Variants in EAF1 observed in about 807,000 individuals in gnomAD.
EAF1 encodes ELL associated factor 1.
A neutral mutation model predicts 26.6 loss-of-function variants in EAF1; 19 were observed. That is an observed-to-expected ratio of 0.71 (90% CI 0.50 to 1.05). EAF1 has a LOEUF of 1.05. EAF1 is among the 50% of genes least tolerant of loss of function. EAF1 has a pLI of 0.00. For synonymous variants in EAF1, 102 were observed against 120.6 expected (o/e 0.85, Z 1.01); for missense variants, 260 against 335.5 (o/e 0.78, Z 1.76).
Position 15,440,229 on chromosome 3 carries a change from T to C in EAF1, c.*1074T>C, listed in dbSNP as rs531890384. The C allele has an allele frequency of 6.6e-6, 1 of 152,324 alleles. No individual in the cohort carries two copies. The highest frequency in any genetic ancestry group is 1.9e-4 in the East Asian group (1 of 5,182). 9.4% of individuals were successfully genotyped at this position (152,324 alleles called of 1,614,324 possible). A position where few individuals can be genotyped will look rare whatever the true frequency, so the allele number is the denominator to read the frequency against. The stretch of plus-strand genomic sequence containing the variant: ...TGAGCACATTCTTTGATAAGGCGTA[T>C]CTATTCATGCTTTTGTACCACTGTT... On this transcript the variant is annotated 3_prime_UTR_variant, in exon 6 of 6. Transcript: ENST00000396842.
At chr3:15,428,044 C>T (rs531913766) in intron 1 of EAF1, among the ~76,000 whole-genome samples, 162 bp downstream of exon 1, 1 of 152,214 alleles carries the variant, frequency 6.6e-6, no homozygotes, top group African/African-American at 2.4e-5. Flanking sequence ...TCGATTTGTC[C>T]CTTCTTTTAC....
intron 5 of EAF1, among the ~76,000 whole-genome samples, chr3:15,437,479 G>C (rs2061842683): frequency 6.6e-6 from 1 of 151,884 alleles, no homozygotes; most frequent in Non-Finnish European, 1.5e-5. Flanking sequence ...GTAGAGACAA[G>C]GTCTCACTGT....
At chr3:15,436,116 T>C in intron 4 of EAF1, 1 of 371,408 alleles carries the variant, frequency 2.7e-6, no homozygotes, top group Non-Finnish European at 4.9e-6. Context: ...TCTTGCTTTT[T>C]ATTTATTTTG....
chr3:15,428,671 T>C, intron 1 of EAF1, among the ~76,000 whole-genome samples: 1 of 152,160 alleles, frequency 6.6e-6, no homozygotes, highest in East Asian at 1.9e-4. Flanking sequence ...TCTACATAAT[T>C]ATAGACGCTG....
intron 1 of EAF1, among the ~76,000 whole-genome samples, chr3:15,428,617 G>GCAGGC (rs143992305): frequency 0.027 from 4,179 of 152,264 alleles, 174 homozygotes; most frequent in African/African-American, 0.094. Flanking sequence ...GCAGAAGAGA[G>GCAGGC]CAGGCGTAAG....
intron 3 of EAF1, 133 bp downstream of exon 3, chr3:15,432,356 C>T (rs912746202): frequency 5.5e-6 from 6 of 1,087,892 alleles, no homozygotes; most frequent in African/African-American, 4.8e-5. Flanking sequence ...TGTGCTCAGA[C>T]AAAATATGTA....
At position 15,439,249 on chromosome 3, in the gene EAF1, TG is replaced by T; in HGVS notation, c.*96del. On this transcript the variant is annotated 3_prime_UTR_variant, in exon 6 of 6. Coordinates refer to ENST00000396842, the MANE Select transcript of EAF1 (RefSeq NM_033083.7). The stretch of plus-strand genomic sequence containing the variant: ...AGTCCATTGCAAGAGGAAAATGTTA[TG>T]GATCAGTGACTGTAGTAGGAGTTTG... The T allele has an allele frequency of 1.6e-6, 2 of 1,273,132 alleles. No individual in the cohort carries two copies. Among genetic ancestry groups the T allele is most frequent in the Non-Finnish European group, 2.2e-6 (2 of 889,190 alleles). 78.9% of individuals were successfully genotyped at this position (1,273,132 alleles called of 1,614,324 possible).
Position 15,427,609 on chromosome 3 carries a change from CCA to C in EAF1, c.-169_-168del, listed in dbSNP as rs2061758589. 2 of 633,330 alleles carry C rather than the reference CCA, an allele frequency of 3.2e-6. No individual in the cohort carries two copies. Among genetic ancestry groups the C allele is most frequent in the South Asian group, 3.7e-5 (2 of 53,578 alleles). The allele number at this position is 633,330 out of a possible 1,614,324, so 39.2% of individuals were successfully genotyped here. A position where few individuals can be genotyped will look rare whatever the true frequency, so the allele number is the denominator to read the frequency against. ...GCCTCCTCAGATTCCTCTCTCACCC[CCA>C]CGCAGAGGAGAGAACTTGCTTCTGG... On this transcript the variant is annotated 5_prime_UTR_variant, in exon 1 of 6. Transcript: ENST00000396842.
At position 15,429,953 on chromosome 3, in the gene EAF1, A is replaced by C. The variant is rs1400560996; in HGVS notation, c.144A>C (p.Gly48=). The change falls in exon 2 of 6, where the codon GGA becomes GGC. Residue 48 remains glycine (G), a synonymous_variant. Transcript: ENST00000396842. ...KPASIDTSCE[G]ELQVGKGDEV... is the part of the protein sequence containing the mutation. ...CATCTATAGACACTTCCTGTGAAGG[A>C]GAGCTTCAAGTTGGCAAAGGAGATG... 1.2e-6 allele frequency: 2 copies of C among 1,613,370 alleles called. No individual in the cohort carries two copies. Among genetic ancestry groups the C allele is most frequent in the Non-Finnish European group, 1.7e-6 (2 of 1,179,816 alleles).
intron 4 of EAF1, among the ~76,000 whole-genome samples, chr3:15,435,636 T>C (rs1235116348): frequency 6.6e-6 from 1 of 152,212 alleles, no homozygotes; most frequent in Non-Finnish European, 1.5e-5. Context: ...ATCTGGCGCC[T>C]TTCTTGAAAT....
In EAF1 at chr3:15,440,967, A is replaced by G. The variant is rs1182900703; in HGVS notation, c.*1812A>G. ...GGGGCAGGTTCCAGGAACTTGAACTAAAAATATCTATTTAAGCCTCTCTCT... is the reference window on the plus strand; with the variant it reads ...GGGGCAGGTTCCAGGAACTTGAACTGAAAATATCTATTTAAGCCTCTCTCT... On this transcript the variant is annotated 3_prime_UTR_variant, in exon 6 of 6. Coordinates refer to ENST00000396842, the MANE Select transcript of EAF1 (RefSeq NM_033083.7). 1 of 152,652 alleles carries G rather than the reference A, an allele frequency of 6.6e-6. No homozygotes were observed. Among genetic ancestry groups the G allele is most frequent in the East Asian group, 1.9e-4 (1 of 5,200 alleles). 9.5% of individuals were successfully genotyped at this position (152,652 alleles called of 1,614,324 possible).
chr3:15,437,949 C>T (rs2125068393), intron 5 of EAF1, among the ~76,000 whole-genome samples: 1 of 152,222 alleles, frequency 6.6e-6, no homozygotes, highest in East Asian at 1.9e-4. Context: ...TTCCCACCTC[C>T]CCAGCCCCAT....
In EAF1 at chr3:15,439,261, T is replaced by A; in HGVS notation, c.*106T>A. On this transcript the variant is annotated 3_prime_UTR_variant, in exon 6 of 6. Transcript: ENST00000396842. ...GAGGAAAATGTTATGGATCAGTGAC[T>A]GTAGTAGGAGTTTGAGGCTCTGGAA... The A allele has an allele frequency of 8.9e-7, 1 of 1,127,046 alleles. No individual in the cohort carries two copies. Among genetic ancestry groups the A allele is most frequent in the East Asian group, 2.4e-5 (1 of 40,852 alleles). The allele number at this position is 1,127,046 out of a possible 1,614,324, so 69.8% of individuals were successfully genotyped here.
intron 5 of EAF1, among the ~76,000 whole-genome samples, chr3:15,438,341 T>C (rs1332411204): frequency 1.3e-5 from 2 of 152,186 alleles, no homozygotes; most frequent in Non-Finnish European, 2.9e-5. Context: ...AACGTGACTA[T>C]CCTGGACAGA....
chr3:15,436,793 G>A (rs867729532), intron 5 of EAF1: 25 of 432,452 alleles, frequency 5.8e-5, no homozygotes, highest in Non-Finnish European at 9.8e-5. Flanking sequence ...GGCTCATACC[G>A]GTGTTTGTGA....
chr3:15,431,444 A>G (rs963966178), intron 2 of EAF1, among the ~76,000 whole-genome samples: 1 of 152,208 alleles, frequency 6.6e-6, no homozygotes, highest in Non-Finnish European at 1.5e-5. Flanking sequence ...GAGGCAGGAG[A>G]GAGCTTGAGG....
chr3:15,437,273 CAG>C (rs1292480767), intron 5 of EAF1, among the ~76,000 whole-genome samples: 1 of 134,178 alleles, frequency 7.5e-6, no homozygotes, highest in Non-Finnish European at 1.6e-5. Context: ...TTCCTTCAGA[CAG>C]AGTCTTGATC....
rs1200169319 is a variant in EAF1, at chr3:15,441,359, G to A, written c.*2204G>A. The A allele has an allele frequency of 1.3e-5, 2 of 153,642 alleles. No homozygotes were observed. The highest frequency in any genetic ancestry group is 4.8e-5 in the African/African-American group (2 of 41,374). The allele number at this position is 153,642 out of a possible 1,614,324, so 9.5% of individuals were successfully genotyped here. On this transcript the variant is annotated 3_prime_UTR_variant, in exon 6 of 6. Transcript: ENST00000396842. Reference sequence around the variant, plus strand: ...CAGCCAAACCGGACTTGTTCTTCCTGCCTCTGTGCCTTCTCTCATTCTCCT... The same window carrying A: ...CAGCCAAACCGGACTTGTTCTTCCTACCTCTGTGCCTTCTCTCATTCTCCT...
chr3:15,431,893 C>T (rs553159948), intron 2 of EAF1, among the ~76,000 whole-genome samples, 194 bp from the exon 3 acceptor site: 2 of 152,300 alleles, frequency 1.3e-5, no homozygotes, highest in East Asian at 3.9e-4. Context: ...TGCACATTCA[C>T]AAATTCTTGC....
Sources: allele counts gnomAD v4.1 joint callset (sites outside exome capture counted in the v4.1 genomes callset), GRCh38; gene constraint gnomAD v4.1.1; transcripts MANE v1.5; gene names NCBI Gene and HGNC (gene_info 2026-07-23, HGNC 2026-07-21).